The following ARHGAP15 variants were observed in gnomAD, a reference collection of about 807,000 sequenced individuals.
ARHGAP15 encodes the protein Rho GTPase activating protein 15, also known as rho GTPase-activating protein 15.
In ARHGAP15, 51 loss-of-function variants were observed where a neutral mutation model predicts 63.7. The ratio of observed to expected loss-of-function variants is 0.80; its 90% CI spans 0.64 to 1.01. ARHGAP15 has a LOEUF of 1.01. Ranked by LOEUF, ARHGAP15 falls within the 50% of genes least tolerant of loss-of-function variation. The probability of loss-of-function intolerance (pLI) is 0.00; values close to 1 mark genes in which losing one functional copy is unlikely to be tolerated. For synonymous variants in ARHGAP15, 191 were observed against 193.8 expected, an observed-to-expected ratio of 0.99 and a Z score of 0.12; for missense variants, 560 against 564.6, an observed-to-expected ratio of 0.99 and a Z score of 0.08.
At chr2:143,551,993 AC>A (rs1207350382) in intron 10 of ARHGAP15, among the ~76,000 whole-genome samples, 4 of 152,172 alleles carry the variant, frequency 2.6e-5, no homozygotes, top group African/African-American at 9.6e-5. Context: ...ATTTGGAAGG[AC>A]CGAGACAGAA....
At chr2:143,176,855 T>C (rs181269497) in intron 2 of ARHGAP15, among the ~76,000 whole-genome samples, 1 of 152,266 alleles carries the variant, frequency 6.6e-6, no homozygotes, top group African/African-American at 2.4e-5. Flanking sequence ...ATGCTATTGT[T>C]TCCTGAAAGC....
intron 2 of ARHGAP15, among the ~76,000 whole-genome samples, chr2:143,190,633 A>G (rs2105089574): frequency 6.6e-6 from 1 of 152,190 alleles, no homozygotes; most frequent in East Asian, 1.9e-4. Flanking sequence ...TCAGCTGACT[A>G]TTTGCAATGG....
intron 8 of ARHGAP15, among the ~76,000 whole-genome samples, chr2:143,449,962 A>T (rs1339088326): frequency 6.6e-6 from 1 of 151,922 alleles, no homozygotes; most frequent in Non-Finnish European, 1.5e-5. Context: ...TCTGAAAGAG[A>T]TGCCTTAAAA....
intron 6 of ARHGAP15, among the ~76,000 whole-genome samples, chr2:143,356,132 A>T (rs1303451076): frequency 6.6e-6 from 1 of 152,056 alleles, no homozygotes; most frequent in Non-Finnish European, 1.5e-5. Context: ...ATCCGAAGAG[A>T]TAGTGTTGCT....
chr2:143,171,479 T>C (rs1690778725), intron 2 of ARHGAP15, among the ~76,000 whole-genome samples: 2 of 152,064 alleles, frequency 1.3e-5, no homozygotes, highest in Admixed American at 1.3e-4. Flanking sequence ...CACAATTATA[T>C]TGCTAAAGAT....
In ARHGAP15 at chr2:143,431,239, G is replaced by C. The variant is rs557645179; in HGVS notation, c.475-4362G>C. 2.0e-5 allele frequency among the ~76,000 whole-genome samples: 3 copies of C among 152,092 alleles called. No individual in the cohort carries two copies. In the South Asian group the frequency reaches 6.2e-4, roughly 32 times the overall value. On this transcript the variant is annotated intron_variant, in intron 6 of 13. Transcript: ENST00000295095. ...CTGTTCAAACACACAGTCCTTGACT[G>C]TATACAACTGTTTGCTGAGAACTAG...
chr2:143,138,612 G>A (rs546483694), intron 1 of ARHGAP15, among the ~76,000 whole-genome samples: 1 of 152,178 alleles, frequency 6.6e-6, no homozygotes, highest in South Asian at 2.1e-4. Context: ...CATACTGCAG[G>A]TGTCTTTCCT....
At chr2:143,461,294 A>AAAC (rs1220784201) in intron 8 of ARHGAP15, among the ~76,000 whole-genome samples, 4 of 150,656 alleles carry the variant, frequency 2.7e-5, no homozygotes, top group African/African-American at 7.3e-5. Context: ...AAAAAAAAAA[A>AAAC]AAAAAAAAAA....
At chr2:143,505,637 C>T (rs1447486285) in intron 9 of ARHGAP15, among the ~76,000 whole-genome samples, 1 of 152,146 alleles carries the variant, frequency 6.6e-6, no homozygotes, top group African/African-American at 2.4e-5. Context: ...CAGAACAGCC[C>T]ATGGGGAATG....
intron 9 of ARHGAP15, among the ~76,000 whole-genome samples, chr2:143,494,458 T>C (rs976541949): frequency 6.6e-6 from 1 of 152,154 alleles, no homozygotes; most frequent in Non-Finnish European, 1.5e-5. Context: ...TCAATAAATA[T>C]TCGGTAATTG....
intron 8 of ARHGAP15, among the ~76,000 whole-genome samples, chr2:143,481,108 T>C (rs571097635): frequency 2.6e-5 from 4 of 152,250 alleles, no homozygotes; most frequent in Admixed American, 6.5e-5. Flanking sequence ...TTTTGTCTTT[T>C]TTTTTTCTTT....
intron 9 of ARHGAP15, among the ~76,000 whole-genome samples, chr2:143,505,325 C>T (rs1407091818): frequency 2.0e-5 from 3 of 152,182 alleles, no homozygotes. Context: ...ATGCAACAAA[C>T]CTGGCAAATG....
At chr2:143,368,460 C>A (rs576152286) in intron 6 of ARHGAP15, among the ~76,000 whole-genome samples, 1 of 152,088 alleles carries the variant, frequency 6.6e-6, no homozygotes, top group Non-Finnish European at 1.5e-5. Context: ...TTTACTAAGA[C>A]ATTTGGAATT....
intron 6 of ARHGAP15, among the ~76,000 whole-genome samples, chr2:143,338,727 C>A (rs1042909984): frequency 2.0e-5 from 3 of 152,090 alleles, no homozygotes; most frequent in African/African-American, 4.8e-5. Flanking sequence ...TGACTTTTGA[C>A]CCAGATGTCT....
At chr2:143,355,059 G>C (rs1007561216) in intron 6 of ARHGAP15, among the ~76,000 whole-genome samples, 3 of 152,092 alleles carry the variant, frequency 2.0e-5, no homozygotes, top group Non-Finnish European at 4.4e-5. Context: ...GAGAAAATTG[G>C]CTATAACTTT....
chr2:143,252,607 G>T (rs1680213844), intron 6 of ARHGAP15, among the ~76,000 whole-genome samples: 1 of 151,922 alleles, frequency 6.6e-6, no homozygotes, highest in Non-Finnish European at 1.5e-5. Flanking sequence ...CAAACCAAAA[G>T]AAAAGATTCA....
intron 9 of ARHGAP15, among the ~76,000 whole-genome samples, chr2:143,496,288 G>A (rs1008774557): frequency 6.6e-6 from 1 of 152,140 alleles, no homozygotes; most frequent in Non-Finnish European, 1.5e-5. Context: ...TGGGTAGCAG[G>A]TTAAGCCCAT....
At chr2:143,691,572 G>T (rs1390324150) in intron 12 of ARHGAP15, among the ~76,000 whole-genome samples, 1 of 152,156 alleles carries the variant, frequency 6.6e-6, no homozygotes, top group Non-Finnish European at 1.5e-5. Context: ...GGCACCTGGA[G>T]TTTGATACAT....
chr2:143,476,276 T>A (rs1396296245), intron 8 of ARHGAP15, among the ~76,000 whole-genome samples: 1 of 152,124 alleles, frequency 6.6e-6, no homozygotes, highest in Non-Finnish European at 1.5e-5. Context: ...ATAATAATAT[T>A]TTCAAGTAAA....
Sources: allele counts gnomAD v4.1 joint callset (sites outside exome capture counted in the v4.1 genomes callset), GRCh38; gene constraint gnomAD v4.1.1; transcripts MANE v1.5; gene names NCBI Gene and HGNC (gene_info 2026-07-23, HGNC 2026-07-21).